The following MYBPC2 variants were observed in gnomAD, a reference collection of about 807,000 sequenced individuals.
The protein encoded by MYBPC2 is myosin binding protein C2.
A neutral mutation model predicts 137.0 loss-of-function variants in MYBPC2; 122 were observed. The observed-to-expected ratio is 0.89, with a 90% CI of 0.77 to 1.03. MYBPC2 has a LOEUF of 1.03. Among genes scored for constraint, MYBPC2 ranks in the 50% least tolerant of loss-of-function variants. MYBPC2 has a pLI of 0.00. For missense variants in MYBPC2, 1,500 were observed against 1,534.4 expected, an observed-to-expected ratio of 0.98 and a Z score of 0.37; for synonymous variants, 626 against 612.3, an observed-to-expected ratio of 1.02 and a Z score of -0.33.
intron 26 of MYBPC2, 149 bp downstream of exon 26, chr19:50,462,185 TTTTGA>T: frequency 8.3e-7 from 1 of 1,204,346 alleles, no homozygotes; most frequent in African/African-American, 1.6e-5. Flanking sequence ...TTTAATTGAT[TTTTGA>T]TTTTTTTTTT....
chr19:50,445,241 C>T (rs902799565), intron 11 of MYBPC2, among the ~76,000 whole-genome samples: 5 of 152,044 alleles, frequency 3.3e-5, no homozygotes, highest in Non-Finnish European at 5.9e-5. Context: ...GAGGCCACAA[C>T]GTTTGATGTT....
intron 16 of MYBPC2, 100 bp downstream of exon 16, chr19:50,452,103 G>T (rs1028387722): frequency 1.6e-4 from 205 of 1,299,674 alleles, no homozygotes; most frequent in Admixed American, 3.3e-4. Context: ...GAGGGTGATG[G>T]TTCCTTCTTC....
At chr19:50,443,964 A>AT (rs2039779251) in intron 11 of MYBPC2, 148 bp downstream of exon 11, 1 of 726,926 alleles carries the variant, frequency 1.4e-6, no homozygotes, top group Non-Finnish European at 2.2e-6. Context: ...GCTTTTCTCT[A>AT]TAAATCCTTA....
chr19:50,444,879 CAAAAAAA>C (rs34557075), intron 11 of MYBPC2, among the ~76,000 whole-genome samples: 12 of 67,250 alleles, frequency 1.8e-4, no homozygotes, highest in East Asian at 4.1e-4. Context: ...GACTCCGTCT[CAAAAAAA>C]AAAAAAAAAA....
intron 26 of MYBPC2, among the ~76,000 whole-genome samples, chr19:50,463,787 A>C (rs1267857275): frequency 6.6e-6 from 1 of 152,108 alleles, no homozygotes; most frequent in Non-Finnish European, 1.5e-5. Context: ...AAAAATACAA[A>C]AACTAGCCAG....
chr19:50,448,392 T>A lies in MYBPC2; in HGVS notation c.1472+2T>A, dbSNP rs2039826117. 1 of 1,613,086 alleles carries A rather than the reference T, an allele frequency of 6.2e-7. No homozygotes were observed. The highest frequency in any genetic ancestry group is 2.2e-5 in the East Asian group (1 of 44,860). On this transcript the variant is annotated splice_donor_variant, in intron 13 of 27. Coordinates refer to ENST00000357701, the MANE Select transcript of MYBPC2 (RefSeq NM_004533.4). LOFTEE classifies it high-confidence loss of function. ...GATCACCATTTCCCATGTAGGCAGG[T>A]GAGGAGTGGGCTGCAGAAGTGGCTG...
At chr19:50,439,564 TC>T (rs1803765487) in intron 7 of MYBPC2, among the ~76,000 whole-genome samples, 1 of 135,452 alleles carries the variant, frequency 7.4e-6, no homozygotes, top group Non-Finnish European at 1.6e-5. Flanking sequence ...TCACTCACTC[TC>T]TCACCCATCA....
At chr19:50,455,747 T>A in intron 20 of MYBPC2, 103 bp downstream of exon 20, 1 of 1,487,436 alleles carries the variant, frequency 6.7e-7, no homozygotes, top group Non-Finnish European at 9.0e-7. Context: ...ATGGGTGCAG[T>A]GGCCTGCTTG....
chr19:50,466,100 C>A lies in MYBPC2; in HGVS notation c.3416-95C>A. 6.4e-7 allele frequency: 1 copy of A among 1,552,828 alleles called. No individual in the cohort carries two copies. ...GGCGGGATGGTGACCGTCATCCTGT[C>A]CCCCTGCTGGTCATGTGGATGCAGC... On this transcript the variant is annotated intron_variant, in intron 27 of 27. Transcript: ENST00000357701. This position sits in a 1 kb window ranked among gnomAD's most constrained non-coding sequence, Gnocchi z 4.9.
Position 50,446,012 on chromosome 19 carries a change from A to C in MYBPC2, c.1266A>C (p.Ile422=), listed in dbSNP as rs759821581. The C allele has an allele frequency of 2.5e-6, 4 of 1,613,340 alleles. No individual in the cohort carries two copies. The African/African-American group carries it at 4.0e-5, about 16-fold the overall frequency. The change falls in exon 12 of 28, where the codon ATA becomes ATC. Residue 422 remains isoleucine, a synonymous_variant. Coordinates refer to ENST00000357701, the MANE Select transcript of MYBPC2 (RefSeq NM_004533.4). ...AGGACAGGGGTCGCTATCAGGTCAT[A>C]ACCAATGGCGGCCAGTGTGAGGCCG... ...VQEDRGRYQV[I]TNGGQCEAEL...
At chr19:50,448,414 G>A (rs763707244) in intron 13 of MYBPC2, 24 bp downstream of exon 13, 1 of 1,611,268 alleles carries the variant, frequency 6.2e-7, no homozygotes, top group Non-Finnish European at 8.5e-7. Context: ...TGCAGAAGTG[G>A]CTGGGGGTAG....
chr19:50,453,892 G>A, intron 16 of MYBPC2, 128 bp from the exon 17 acceptor site: 1 of 1,081,706 alleles, frequency 9.2e-7, no homozygotes, highest in Non-Finnish European at 1.3e-6. Context: ...GAGGGCAGTG[G>A]AGCGAGTGAG....
chr19:50,446,378 C>T (rs1267942743), intron 12 of MYBPC2, among the ~76,000 whole-genome samples: 5 of 150,262 alleles, frequency 3.3e-5, no homozygotes, highest in East Asian at 3.9e-4. Context: ...CTGGGCATTG[C>T]GGCGTGCACC....
intron 26 of MYBPC2, 53 bp downstream of exon 26, chr19:50,462,089 C>T (rs949858258): frequency 4.6e-6 from 7 of 1,527,524 alleles, no homozygotes; most frequent in African/African-American, 1.4e-5. Context: ...GGGGAATCTT[C>T]CATACAATGA....
In MYBPC2 at chr19:50,445,999, G is replaced by A. The variant is rs1162739377; in HGVS notation, c.1253G>A (p.Arg418His). The change falls in exon 12 of 28, where the codon CGC becomes CAC. Residue 418 changes from arginine (R) to histidine (H), a missense_variant. Physicochemically the swap from Arg to His is conservative, Grantham distance 29 (BLOSUM62 0). Transcript: ENST00000357701. The part of the protein sequence containing the change: ...FSDVVQEDRG[R>H]YQVITNGGQC... ...GACGTGGTCCAGGAGGACAGGGGTC[G>A]CTATCAGGTCATAACCAATGGCGGC... The A allele has an allele frequency of 6.2e-6, 10 of 1,613,236 alleles. No individual in the cohort carries two copies. The East Asian group carries it at 6.7e-5, about 11-fold the overall frequency.
intron 12 of MYBPC2, 104 bp downstream of exon 12, chr19:50,446,156 C>T (rs1011820658): frequency 2.3e-6 from 3 of 1,309,012 alleles, no homozygotes; most frequent in East Asian, 2.5e-5. Context: ...TGACTCCTCT[C>T]TTTCCCACAC....
At chr19:50,461,004 AATTT>A (rs1403146672) in intron 24 of MYBPC2, among the ~76,000 whole-genome samples, 4 of 120,982 alleles carry the variant, frequency 3.3e-5, no homozygotes, top group Non-Finnish European at 6.8e-5. Context: ...ATTTCTTTTA[AATTT>A]TTTTTTTTTT....
intron 23 of MYBPC2, 48 bp from the exon 24 acceptor site, chr19:50,459,992 T>G (rs899477826): frequency 6.5e-7 from 1 of 1,549,046 alleles, no homozygotes; most frequent in Admixed American, 2.0e-5. Context: ...GGGAAGCGGC[T>G]GGACATCCCA....
At position 50,443,814 on chromosome 19, in the gene MYBPC2, G is replaced by A. The variant is rs764585595; in HGVS notation, c.1131G>A (p.Met377Ile). ...VEVSEEGAQV[M>I]WMKDGVELTR... ...TGTCAGAAGAGGGTGCCCAGGTGAT[G>A]TGGTAAGTGACCCTTGATCCCTGAT... is the stretch of plus-strand genomic sequence containing the variant. The change falls in exon 11 of 28, where the codon ATG becomes ATA. Residue 377 changes from methionine to isoleucine, a missense_variant and splice_region_variant. Met to Ile is a conservative substitution (Grantham distance 10, BLOSUM62 1). Transcript: ENST00000357701. 7 of 1,613,212 alleles carry A rather than the reference G, an allele frequency of 4.3e-6. No homozygotes were observed. The highest frequency in any genetic ancestry group is 5.9e-6 in the Non-Finnish European group (7 of 1,179,306).
Sources: allele counts gnomAD v4.1 joint callset (sites outside exome capture counted in the v4.1 genomes callset), GRCh38; gene constraint gnomAD v4.1.1; non-coding constraint Gnocchi (gnomAD v3.1); transcripts MANE v1.5; gene names NCBI Gene and HGNC (gene_info 2026-07-23, HGNC 2026-07-21).